ORC5: variants seen among roughly 807,000 people sequenced by gnomAD.
ORC5 encodes the protein origin recognition complex subunit 5.
Under a neutral mutation model 58.8 loss-of-function variants are expected in ORC5, and 39 were observed. The observed-to-expected ratio is 0.66, with a 90% CI of 0.51 to 0.87. ORC5 has a LOEUF of 0.87. Among genes scored for constraint, ORC5 ranks in the 40% least tolerant of loss-of-function variants. ORC5 has a pLI of 0.00. For missense variants in ORC5, 493 were observed against 506.3 expected, an observed-to-expected ratio of 0.97 and a Z score of 0.25; for synonymous variants, 218 against 177.6, an observed-to-expected ratio of 1.23 and a Z score of -1.81.
At chr7:104,169,413 G>A (rs189310417) in intron 8 of ORC5, among the ~76,000 whole-genome samples, 135 of 152,100 alleles carry the variant, frequency 8.9e-4, no homozygotes, top group African/African-American at 2.9e-3. Context: ...ATTATGACAC[G>A]ACAAATTGAA....
intron 6 of ORC5, among the ~76,000 whole-genome samples, chr7:104,186,698 CACAA>C (rs1799550792): frequency 6.6e-6 from 1 of 151,948 alleles, no homozygotes; most frequent in Non-Finnish European, 1.5e-5. Context: ...TTGAAACAAA[CACAA>C]ACAACACTAT....
intron 8 of ORC5, among the ~76,000 whole-genome samples, chr7:104,173,892 T>G (rs1379158678): frequency 1.4e-5 from 2 of 142,176 alleles, no homozygotes; most frequent in African/African-American, 2.6e-5. Context: ...TCGCCCAGGC[T>G]GGAGTGCAGT....
At chr7:104,157,977 C>T (rs1478719754) in intron 12 of ORC5, among the ~76,000 whole-genome samples, 4 of 152,028 alleles carry the variant, frequency 2.6e-5, no homozygotes, top group African/African-American at 9.7e-5. Flanking sequence ...TTAACTCTAT[C>T]CTTTGGAAAT....
chr7:104,127,805 A>G (rs1798453165), intron 13 of ORC5, among the ~76,000 whole-genome samples: 1 of 152,198 alleles, frequency 6.6e-6, no homozygotes, highest in Non-Finnish European at 1.5e-5. Flanking sequence ...AAAATGTGGA[A>G]TGGGAAACTA....
At chr7:104,197,158 C>T (rs752429691) in intron 4 of ORC5, among the ~76,000 whole-genome samples, 5 of 152,052 alleles carry the variant, frequency 3.3e-5, no homozygotes, top group Non-Finnish European at 7.4e-5. Context: ...ATTTTTTTTC[C>T]TCAACAATGT....
chr7:104,136,565 A>G lies in ORC5; in HGVS notation c.1262+216T>C. 6.6e-6 allele frequency among the ~76,000 whole-genome samples: 1 copy of G among 152,208 alleles called. No homozygotes were observed. The highest frequency in any genetic ancestry group is 2.1e-4 in the South Asian group (1 of 4,834). Reference sequence around the variant, plus strand: ...TTATTCCAGCCTATTAAGGTTTTTCAGAATCTTGATTTTTGTCCTCTAACA... The same window carrying G: ...TTATTCCAGCCTATTAAGGTTTTTCGGAATCTTGATTTTTGTCCTCTAACA... On this transcript the variant is annotated intron_variant, in intron 13 of 13. Coordinates refer to ENST00000297431, the MANE Select transcript of ORC5 (RefSeq NM_002553.4). The surrounding 1 kb of genome is among the most constrained non-coding windows in gnomAD (Gnocchi z 4.2).
intron 12 of ORC5, among the ~76,000 whole-genome samples, chr7:104,151,193 T>C (rs549430802): frequency 1.1e-4 from 17 of 152,090 alleles, no homozygotes; most frequent in Non-Finnish European, 2.2e-4. Context: ...GTTCTGTAAA[T>C]AATGTAACTC....
rs1233890615 is a variant in ORC5, at chr7:104,129,897, G to C, written c.1263-3004C>G. 2.0e-5 allele frequency among the ~76,000 whole-genome samples: 3 copies of C among 152,102 alleles called. No homozygotes were observed. Among genetic ancestry groups the C allele is most frequent in the Non-Finnish European group, 4.4e-5 (3 of 68,018 alleles). ...GGAGTAATTCTTAAATCAGAATTTA[G>C]AATACGTTAATACAACTTAATTATA... On this transcript the variant is annotated intron_variant, in intron 13 of 13. Transcript: ENST00000297431. The surrounding 1 kb of genome is among the most constrained non-coding windows in gnomAD (Gnocchi z 4.9).
intron 5 of ORC5, among the ~76,000 whole-genome samples, chr7:104,192,319 T>C (rs1442708270): frequency 6.6e-6 from 1 of 152,122 alleles, no homozygotes; most frequent in East Asian, 1.9e-4. Flanking sequence ...AGAACAACTT[T>C]TAGGGAAAAA....
At position 104,129,648 on chromosome 7, in the gene ORC5, GA is replaced by G. The variant is rs1323452945; in HGVS notation, c.1263-2756del. ...TTGAAGACAAACAATCCTCTTTAAA[GA>G]AAGGTATAACTTACAAGAGAATTGT... On this transcript the variant is annotated intron_variant, in intron 13 of 13. Transcript: ENST00000297431. The surrounding 1 kb of genome is among the most constrained non-coding windows in gnomAD (Gnocchi z 4.9). Among the ~76,000 whole-genome samples the G allele has an allele frequency of 2.6e-5, 4 of 152,180 alleles. No individual in the cohort carries two copies. Among genetic ancestry groups the G allele is most frequent in the African/African-American group, 9.6e-5 (4 of 41,464 alleles).
intron 1 of ORC5, 76 bp from the exon 2 acceptor site, chr7:104,204,310 T>C (rs1375587196): frequency 2.3e-6 from 2 of 856,478 alleles, no homozygotes; most frequent in Non-Finnish European, 3.8e-6. Flanking sequence ...GTGAGAAAGT[T>C]GTACGTGGAA....
Position 104,161,117 on chromosome 7 carries a change from A to G in ORC5, c.1104T>C (p.Ser368=), listed in dbSNP as rs756490723. 3.7e-6 allele frequency: 6 copies of G among 1,610,100 alleles called. No individual in the cohort carries two copies. The highest frequency in any genetic ancestry group is 3.3e-5 in the South Asian group (3 of 90,940). ...PLDRLLAILY[S]IVDSRVAPTA... ...TTGGAGCAACTCTGCTGTCCACGAT[A>G]CTATATAATATTGCTAATAATCTGT... The change falls in exon 12 of 14, where the codon AGT becomes AGC. Residue 368 remains serine (S), a synonymous_variant. Coordinates refer to ENST00000297431, the MANE Select transcript of ORC5 (RefSeq NM_002553.4).
At chr7:104,154,300 T>G (rs930697631) in intron 12 of ORC5, among the ~76,000 whole-genome samples, 2 of 152,064 alleles carry the variant, frequency 1.3e-5, no homozygotes. Flanking sequence ...GTTCAAGGCA[T>G]GTCAGAAGGA....
chr7:104,175,254 T>G (rs1219018018), intron 8 of ORC5, among the ~76,000 whole-genome samples: 2 of 152,178 alleles, frequency 1.3e-5, no homozygotes, highest in African/African-American at 4.8e-5. Flanking sequence ...GGCCATTATT[T>G]GAACTCTTTA....
chr7:104,143,152 G>A (rs186493783), intron 12 of ORC5, among the ~76,000 whole-genome samples: 27 of 150,272 alleles, frequency 1.8e-4, no homozygotes, highest in African/African-American at 6.0e-4. Context: ...GTTCCCCTTA[G>A]TACTTTTTTT....
In ORC5 at chr7:104,126,394, A is replaced by T. The variant is rs1009168488; in HGVS notation, c.*454T>A. On this transcript the variant is annotated 3_prime_UTR_variant, in exon 14 of 14. Coordinates refer to ENST00000297431, the MANE Select transcript of ORC5 (RefSeq NM_002553.4). ...TATATTTTGCAACTATGATCTTTTA[A>T]AACAGTGGCCTTAGGAAAATCTGCT... is the stretch of plus-strand genomic sequence containing the variant. 1 of 154,274 alleles carries T rather than the reference A, an allele frequency of 6.5e-6. No homozygotes were observed. Among genetic ancestry groups the T allele is most frequent in the African/African-American group, 2.4e-5 (1 of 41,554 alleles). 9.6% of individuals were successfully genotyped at this position (154,274 alleles called of 1,614,324 possible).
At chr7:104,128,425 C>A (rs935410781) in intron 13 of ORC5, among the ~76,000 whole-genome samples, 72 of 152,192 alleles carry the variant, frequency 4.7e-4, no homozygotes, top group African/African-American at 1.7e-3. Context: ...GCCCAGCCAA[C>A]ACATGGTTTT....
At chr7:104,170,092 A>AT (rs1318443647) in intron 8 of ORC5, among the ~76,000 whole-genome samples, 1 of 152,196 alleles carries the variant, frequency 6.6e-6, no homozygotes, top group Non-Finnish European at 1.5e-5. Flanking sequence ...ACATAAAATT[A>AT]TTTGGCTTAC....
At position 104,165,240 on chromosome 7, in the gene ORC5, C is replaced by T. The variant is rs267601218; in HGVS notation, c.1033G>A (p.Glu345Lys). 14 of 1,481,528 alleles carry T rather than the reference C, an allele frequency of 9.4e-6. No homozygotes were observed. In the African/African-American group the frequency reaches 1.1e-4, roughly 12 times the overall value. The allele number at this position is 1,481,528 out of a possible 1,614,324, so 91.8% of individuals were successfully genotyped here. A position where few individuals can be genotyped will look rare whatever the true frequency, so the allele number is the denominator to read the frequency against. The part of the protein sequence containing the change: ...IKKTNFLKKH[E>K]KTSNHLLGPK... ...AGAAATTAAAATGTAAATACCTTTT[C>T]GTGTTTTTTTAGAAAGTTGGTTTTC... Residue 345 changes from glutamate to lysine, a missense_variant, in exon 11 of 14, where the codon GAA (glutamate) becomes AAA (lysine). By Grantham distance (56) the Glu-to-Lys change is moderately conservative. Coordinates refer to ENST00000297431, the MANE Select transcript of ORC5 (RefSeq NM_002553.4).
Sources: allele counts gnomAD v4.1 joint callset (sites outside exome capture counted in the v4.1 genomes callset), GRCh38; gene constraint gnomAD v4.1.1; non-coding constraint Gnocchi (gnomAD v3.1); transcripts MANE v1.5; gene names NCBI Gene and HGNC (gene_info 2026-07-23, HGNC 2026-07-21).